SNX9: variants seen among roughly 807,000 people sequenced by gnomAD.
SNX9 encodes the protein sorting nexin 9.
SNX9 carries 44 observed loss-of-function variants against 89.4 expected under a neutral mutation model. The observed-to-expected ratio is 0.49, with a 90% confidence interval of 0.39 to 0.63. The LOEUF (loss-of-function observed/expected upper bound fraction) is 0.63. Ranked by LOEUF, SNX9 falls within the 30% of genes least tolerant of loss-of-function variation. The pLI is 0.00. For missense variants in SNX9, 578 were observed against 736.1 expected (o/e 0.79, Z 2.49); for synonymous variants, 236 against 247.8 (o/e 0.95, Z 0.45).
At chr6:157,918,929 C>G (rs1048945785) in intron 9 of SNX9, among the ~76,000 whole-genome samples, 1 of 151,914 alleles carries the variant, frequency 6.6e-6, no homozygotes, top group Admixed American at 6.6e-5. Context: ...TGTTATGAAT[C>G]CAACAATACA....
chr6:157,903,221 A>G lies in SNX9; in HGVS notation c.620+1176A>G, dbSNP rs77518338. Among the ~76,000 whole-genome samples the G allele has an allele frequency of 5.3e-3, 808 of 152,338 alleles. 7 individuals are homozygous for G. The highest frequency in any genetic ancestry group is 0.019 in the African/African-American group (771 of 41,568). On this transcript the variant is annotated intron_variant, in intron 6 of 17. Transcript: ENST00000392185. ...CCCAATATTCCAATTCCATGATTCA[A>G]GGCAGATATCAAAGAATGTTAATCT...
At chr6:157,911,808 A>T (rs909727622) in intron 9 of SNX9, among the ~76,000 whole-genome samples, 1 of 152,092 alleles carries the variant, frequency 6.6e-6, no homozygotes, top group Non-Finnish European at 1.5e-5. Context: ...TTTTGTGGAG[A>T]TGGAAACTTT....
intron 2 of SNX9, among the ~76,000 whole-genome samples, chr6:157,871,643 G>T (rs1167444498): frequency 1.3e-5 from 2 of 151,896 alleles, no homozygotes; most frequent in Non-Finnish European, 2.9e-5. Context: ...AAACCTGCAC[G>T]TTGTGCACAT....
intron 9 of SNX9, among the ~76,000 whole-genome samples, chr6:157,919,661 G>A (rs966309158): frequency 2.0e-5 from 3 of 151,858 alleles, no homozygotes; most frequent in African/African-American, 7.3e-5. Flanking sequence ...AATCCTTATA[G>A]AATCTGCTTT....
intron 3 of SNX9, among the ~76,000 whole-genome samples, chr6:157,873,547 A>C (rs1413275331): frequency 1.4e-5 from 2 of 147,684 alleles, no homozygotes; most frequent in South Asian, 4.2e-4. Flanking sequence ...ATATCTGTTA[A>C]TATATACATT....
In SNX9 at chr6:157,823,939, G is replaced by C. The variant is rs570720328; in HGVS notation, c.12+493G>C. On this transcript the variant is annotated intron_variant, in intron 1 of 17. Coordinates refer to ENST00000392185, the MANE Select transcript of SNX9 (RefSeq NM_016224.5). The surrounding 1 kb of genome is among the most constrained non-coding windows in gnomAD (Gnocchi z 4.6). ...GAGAGGACGCGGCGCTTCCCGTCCC[G>C]GCCTGCGGGGGCTCGCGGCCGGGGA... Among the ~76,000 whole-genome samples the C allele has an allele frequency of 9.5e-4, 145 of 152,222 alleles. 3 individuals carry two copies. The highest frequency in any genetic ancestry group is 3.0e-3 in the African/African-American group (126 of 41,546).
chr6:157,906,046 C>T, intron 6 of SNX9, 82 bp from the exon 7 acceptor site: 1 of 1,172,554 alleles, frequency 8.5e-7, no homozygotes, highest in South Asian at 1.4e-5. Flanking sequence ...AAGGTTAAAA[C>T]TGGTAAGTAA....
At chr6:157,880,566 C>G (rs1044827861) in intron 4 of SNX9, among the ~76,000 whole-genome samples, 5 of 152,190 alleles carry the variant, frequency 3.3e-5, no homozygotes, top group Non-Finnish European at 7.3e-5. Flanking sequence ...TCCTGACTTT[C>G]CTGTTTCTGT....
chr6:157,829,597 T>G (rs891626505), intron 1 of SNX9, among the ~76,000 whole-genome samples: 7 of 152,232 alleles, frequency 4.6e-5, no homozygotes, highest in African/African-American at 1.4e-4. Flanking sequence ...GTCTACTTGA[T>G]GGTGATGCTA....
At chr6:157,856,987 A>G (rs558571102) in intron 1 of SNX9, among the ~76,000 whole-genome samples, 1 of 152,306 alleles carries the variant, frequency 6.6e-6, no homozygotes, top group African/African-American at 2.4e-5. Context: ...GTAAAAGAGA[A>G]ACTTTTATCT....
At chr6:157,862,943 C>T (rs1401371314) in intron 1 of SNX9, among the ~76,000 whole-genome samples, 1 of 152,196 alleles carries the variant, frequency 6.6e-6, no homozygotes, top group Non-Finnish European at 1.5e-5. Flanking sequence ...GATACATTGG[C>T]TCCAGTAACA....
At chr6:157,835,227 A>C (rs1781560340) in intron 1 of SNX9, among the ~76,000 whole-genome samples, 1 of 152,026 alleles carries the variant, frequency 6.6e-6, no homozygotes, top group South Asian at 2.1e-4. Context: ...TGGCCAGCCC[A>C]GTTTCAAACT....
intron 2 of SNX9, among the ~76,000 whole-genome samples, chr6:157,869,910 G>T (rs182242888): frequency 1.2e-4 from 18 of 151,638 alleles, no homozygotes; most frequent in Admixed American, 9.8e-4. Flanking sequence ...CACACACCTC[G>T]CACCCTCATA....
chr6:157,878,734 CAA>C (rs1465481812), intron 4 of SNX9, among the ~76,000 whole-genome samples: 1 of 152,140 alleles, frequency 6.6e-6, no homozygotes, highest in African/African-American at 2.4e-5. Context: ...ACTGACAGCA[CAA>C]AGTCTAGTGG....
At chr6:157,897,083 C>T in intron 5 of SNX9, 85 bp downstream of exon 5, 9 of 1,304,146 alleles carry the variant, frequency 6.9e-6, no homozygotes, top group Non-Finnish European at 8.3e-6. Flanking sequence ...TTTGCTGTTC[C>T]CACACTCAGC....
intron 9 of SNX9, among the ~76,000 whole-genome samples, chr6:157,915,640 A>AAAAAAAATATATATAT (rs1472422303): frequency 1.1e-5 from 1 of 95,150 alleles, no homozygotes; most frequent in African/African-American, 4.6e-5. Flanking sequence ...AAAAAAAAAA[A>AAAAAAAATATATATAT]ATATATATAT....
chr6:157,842,119 T>C (rs1781715205), intron 1 of SNX9, among the ~76,000 whole-genome samples: 3 of 152,242 alleles, frequency 2.0e-5, no homozygotes, highest in Admixed American at 6.5e-5. Flanking sequence ...AAATTCAGAA[T>C]ACATTCTTAA....
chr6:157,835,837 T>C (rs1482116670), intron 1 of SNX9, among the ~76,000 whole-genome samples: 1 of 152,178 alleles, frequency 6.6e-6, no homozygotes, highest in Non-Finnish European at 1.5e-5. Context: ...CTTTCCTGTA[T>C]AAATTACCCA....
chr6:157,899,042 G>A (rs1228251028), intron 5 of SNX9, among the ~76,000 whole-genome samples: 2 of 152,234 alleles, frequency 1.3e-5, no homozygotes, highest in African/African-American at 2.4e-5. Context: ...CACTCAGGCC[G>A]TTAGAGTAGG....
Sources: gnomAD v4.1 joint callset for allele counts (sites outside exome capture counted in the v4.1 genomes callset) on GRCh38, gnomAD v4.1.1 for gene constraint, Gnocchi (gnomAD v3.1) non-coding constraint, MANE v1.5 for transcripts, NCBI Gene and HGNC (gene_info 2026-07-23, HGNC 2026-07-21) for gene names.